TNFRSF10B: variants seen among roughly 807,000 people sequenced by gnomAD.
TNFRSF10B encodes tumor necrosis factor receptor superfamily member 10B.
Under a neutral mutation model 41.4 loss-of-function variants are expected in TNFRSF10B, and 35 were observed. The observed-to-expected ratio is 0.85, with a 90% CI of 0.65 to 1.12. The LOEUF is 1.12. Among genes scored for constraint, TNFRSF10B ranks in the 50% most tolerant of loss-of-function variants. The pLI is 0.00. For missense variants in TNFRSF10B, 584 were observed against 552.7 expected, an observed-to-expected ratio of 1.06 and a Z score of -0.57; for synonymous variants, 230 against 215.5, an observed-to-expected ratio of 1.07 and a Z score of -0.59.
intron 1 of TNFRSF10B, among the ~76,000 whole-genome samples, chr8:23,065,880 A>G (rs1325332597): frequency 6.6e-6 from 1 of 152,254 alleles, no homozygotes; most frequent in Non-Finnish European, 1.5e-5. Flanking sequence ...CAGTGGCCGT[A>G]ATAACAGATA....
At chr8:23,036,014 C>A (rs1199604113) in intron 2 of TNFRSF10B, among the ~76,000 whole-genome samples, 1 of 152,176 alleles carries the variant, frequency 6.6e-6, no homozygotes, top group Admixed American at 6.5e-5. Context: ...TGTTTTGAAC[C>A]TTTAGTAGCC....
intron 1 of TNFRSF10B, among the ~76,000 whole-genome samples, chr8:23,057,051 T>C (rs898857337): frequency 1.5e-5 from 2 of 136,462 alleles, no homozygotes; most frequent in Non-Finnish European, 3.3e-5. Context: ...TTTTTTTTTT[T>C]TTGAGACGGA....
At position 23,020,319 on chromosome 8, in the gene TNFRSF10B, A is replaced by G. The variant is rs898797876; in HGVS notation, c.*2352T>C. 4 of 453,966 alleles carry G rather than the reference A, an allele frequency of 8.8e-6. No homozygotes were observed. The highest frequency in any genetic ancestry group is 6.0e-5 in the African/African-American group (3 of 49,992). The allele number at this position is 453,966 out of a possible 1,614,324, so 28.1% of individuals were successfully genotyped here. ...CTATGGCTGTCCTGTGTCACATGCT[A>G]TTTGGCCTGGGGATATAGCAAAGCC... On this transcript the variant is annotated 3_prime_UTR_variant, in exon 9 of 9. Coordinates refer to ENST00000276431, the MANE Select transcript of TNFRSF10B (RefSeq NM_003842.5).
chr8:23,068,945 T>C lies in TNFRSF10B; in HGVS notation c.-51A>G, dbSNP rs765178634. On this transcript the variant is annotated 5_prime_UTR_variant, in exon 1 of 9. It removes the in-frame stop codon of an upstream open reading frame in the 5' UTR. Coordinates refer to ENST00000276431, the MANE Select transcript of TNFRSF10B (RefSeq NM_003842.5). ...TCTCAGGCCCGTGGGTTTCAGCCCT[T>C]AAAGTAGATCGGGCATCGTCGGTGT... 6.2e-7 allele frequency: 1 copy of C among 1,612,774 alleles called. No individual in the cohort carries two copies. Among genetic ancestry groups the C allele is most frequent in the Admixed American group, 1.7e-5 (1 of 60,022 alleles).
rs964640957 is a variant in TNFRSF10B at position 23,020,220 on chromosome 8, A to T, written c.*2451T>A. On this transcript the variant is annotated 3_prime_UTR_variant, in exon 9 of 9. Coordinates refer to ENST00000276431, the MANE Select transcript of TNFRSF10B (RefSeq NM_003842.5). The stretch of plus-strand genomic sequence containing the variant: ...CACAATGTGCTTCCTTGTTTGTATT[A>T]TAACACATTTCAAATAGGGACCTTT... 4.4e-6 allele frequency: 2 copies of T among 453,082 alleles called. No individual in the cohort carries two copies. Among genetic ancestry groups the T allele is most frequent in the Non-Finnish European group, 8.9e-6 (2 of 225,812 alleles). The allele number at this position is 453,082 out of a possible 1,614,324, so 28.1% of individuals were successfully genotyped here.
At chr8:23,060,761 AT>A (rs758109574) in intron 1 of TNFRSF10B, among the ~76,000 whole-genome samples, 6 of 152,202 alleles carry the variant, frequency 3.9e-5, no homozygotes, top group African/African-American at 7.2e-5. Flanking sequence ...ATAATTCATA[AT>A]CATGGCATAT....
chr8:23,053,329 G>T (rs1280561319), intron 1 of TNFRSF10B, among the ~76,000 whole-genome samples: 1 of 152,182 alleles, frequency 6.6e-6, no homozygotes, highest in Non-Finnish European at 1.5e-5. Context: ...AATTAACAAT[G>T]TAATGTGTAT....
intron 2 of TNFRSF10B, among the ~76,000 whole-genome samples, chr8:23,040,346 TATATACAAAATATATATTTAATAA>T (rs1399398488): frequency 0.25 from 12,618 of 51,446 alleles, 5,302 homozygotes; most frequent in East Asian, 0.35. Flanking sequence ...ATTTATTAAA[TATATACAAAATATATATTTAATAA>T]ATATATATAC....
chr8:23,029,789 C>A, intron 3 of TNFRSF10B, 68 bp from the exon 4 acceptor site: 1 of 1,465,836 alleles, frequency 6.8e-7, no homozygotes. Flanking sequence ...TCCTCCCCAC[C>A]CCAAGACCCT....
chr8:23,033,366 C>T (rs550616759), intron 2 of TNFRSF10B, among the ~76,000 whole-genome samples: 6 of 151,988 alleles, frequency 3.9e-5, no homozygotes, highest in Admixed American at 1.3e-4. Context: ...GGGCGGATCA[C>T]GAGGTCAGGA....
rs779539123 is a variant in TNFRSF10B, at chr8:23,022,747, T to A, written c.1247A>T (p.Gln416Leu). The A allele has an allele frequency of 1.9e-6, 3 of 1,614,062 alleles. No homozygotes were observed. The highest frequency in any genetic ancestry group is 3.3e-5 in the Admixed American group (2 of 60,014). Residue 416 changes from glutamine (Q) to leucine (L), a missense_variant, in exon 9 of 9, where the codon CAG (glutamine) becomes CTG (leucine). By Grantham distance (113) the Gln-to-Leu change is moderately radical. Coordinates refer to ENST00000276431, the MANE Select transcript of TNFRSF10B (RefSeq NM_003842.5). ...GCTCAACAAGTGGTCCTCAATCTTCTGCTTGGCAAGTCTCTCTCCCAGCGT... is the reference window on the plus strand; with the variant it reads ...GCTCAACAAGTGGTCCTCAATCTTCAGCTTGGCAAGTCTCTCTCCCAGCGT... ...LETLGERLAKQKIEDHLLSSG... is the reference protein window; with the variant it reads ...LETLGERLAKLKIEDHLLSSG...
At chr8:23,028,995 G>A (rs970347844) in intron 4 of TNFRSF10B, among the ~76,000 whole-genome samples, 2 of 152,216 alleles carry the variant, frequency 1.3e-5, no homozygotes, top group African/African-American at 4.8e-5. Flanking sequence ...GTCCCCAGCT[G>A]TCTGCCCATT....
At chr8:23,043,695 T>C (rs140868573) in intron 1 of TNFRSF10B, among the ~76,000 whole-genome samples, 140 of 152,324 alleles carry the variant, frequency 9.2e-4, no homozygotes, top group Middle Eastern at 3.4e-3. Flanking sequence ...AAAATTGGGA[T>C]ACAGGATCAA....
At chr8:23,052,200 A>C (rs1440908290) in intron 1 of TNFRSF10B, among the ~76,000 whole-genome samples, 1 of 152,152 alleles carries the variant, frequency 6.6e-6, no homozygotes, top group Non-Finnish European at 1.5e-5. Flanking sequence ...TAAACAACAG[A>C]TATCTAATTA....
intron 1 of TNFRSF10B, among the ~76,000 whole-genome samples, chr8:23,055,154 C>G (rs73220649): frequency 0.024 from 3,655 of 152,020 alleles, 49 homozygotes; most frequent in Middle Eastern, 0.061. Flanking sequence ...TCCATTTTCC[C>G]TAACTGGAAA....
intron 4 of TNFRSF10B, among the ~76,000 whole-genome samples, chr8:23,029,124 G>A (rs1193193586): frequency 2.6e-5 from 4 of 152,228 alleles, no homozygotes; most frequent in South Asian, 2.1e-4. Context: ...GGGTGAGGCC[G>A]GCTGGGTGGG....
intron 1 of TNFRSF10B, among the ~76,000 whole-genome samples, chr8:23,048,991 T>C (rs559809428): frequency 1.5e-4 from 23 of 152,244 alleles, no homozygotes; most frequent in African/African-American, 5.5e-4. Flanking sequence ...GATAAGCAAA[T>C]GGCCCATAAG....
intron 2 of TNFRSF10B, among the ~76,000 whole-genome samples, chr8:23,042,120 C>G (rs6557612): frequency 0.15 from 23,128 of 152,208 alleles, 1,848 homozygotes; most frequent in South Asian, 0.19. Flanking sequence ...TGTCTTGAGT[C>G]CTTCCTATTC....
chr8:23,052,488 G>A lies in TNFRSF10B; in HGVS notation c.145-9245C>T, dbSNP rs577124537. 4.5e-3 allele frequency among the ~76,000 whole-genome samples: 687 copies of A among 151,488 alleles called. 5 individuals are homozygous for A. Among genetic ancestry groups the A allele is most frequent in the African/African-American group, 0.013 (553 of 41,282 alleles). ...TTTTTAGTAGAGACGGGGTTTCACCGTGTCAGCCAGGATGGTCTTGATCTC... is the reference window on the plus strand; with the variant it reads ...TTTTTAGTAGAGACGGGGTTTCACCATGTCAGCCAGGATGGTCTTGATCTC... On this transcript the variant is annotated intron_variant, in intron 1 of 8. Coordinates refer to ENST00000276431, the MANE Select transcript of TNFRSF10B (RefSeq NM_003842.5).
Sources: allele counts gnomAD v4.1 joint callset (sites outside exome capture counted in the v4.1 genomes callset), GRCh38; gene constraint gnomAD v4.1.1; transcripts MANE v1.5; gene names NCBI Gene and HGNC (gene_info 2026-07-23, HGNC 2026-07-21).